GRB10: variants seen among roughly 807,000 people sequenced by gnomAD.
GRB10 encodes growth factor receptor-bound protein 10.
In GRB10, 20 loss-of-function variants were observed where a neutral mutation model predicts 80.9. The ratio of observed to expected loss-of-function variants is 0.25; its 90% CI spans 0.17 to 0.36. The LOEUF is 0.36. Ranked by LOEUF, GRB10 falls within the 10% of genes least tolerant of loss-of-function variation. The probability of loss-of-function intolerance (pLI) is 1.00; values close to 1 mark genes in which losing one functional copy is unlikely to be tolerated. For missense variants in GRB10, 548 were observed against 747.7 expected, an observed-to-expected ratio of 0.73 and a Z score of 3.12; for synonymous variants, 291 against 291.5, an observed-to-expected ratio of 1.00 and a Z score of 0.02.
chr7:50,712,018 G>A (rs924538692), intron 4 of GRB10, among the ~76,000 whole-genome samples: 1 of 151,942 alleles, frequency 6.6e-6, no homozygotes, highest in Non-Finnish European at 1.5e-5. Flanking sequence ...CTTAACAACC[G>A]AGCTATGGGT....
intron 7 of GRB10, among the ~76,000 whole-genome samples, chr7:50,648,954 T>G (rs1350461248): frequency 2.0e-5 from 3 of 152,172 alleles, no homozygotes; most frequent in Non-Finnish European, 4.4e-5. Context: ...AGCTGCCTCT[T>G]CTTCCTGCTC....
chr7:50,690,314 A>G (rs1368883928), intron 5 of GRB10, among the ~76,000 whole-genome samples: 1 of 50,334 alleles, frequency 2.0e-5, no homozygotes, highest in African/African-American at 6.5e-5. Context: ...CAAACAAACA[A>G]ACAAACAAAA....
Position 50,669,807 on chromosome 7 carries a change from T to C in GRB10, c.419A>G (p.Asn140Ser), listed in dbSNP as rs373098408. 3 of 1,613,962 alleles carry C rather than the reference T, an allele frequency of 1.9e-6. No homozygotes were observed. The highest frequency in any genetic ancestry group is 1.7e-5 in the Admixed American group (1 of 60,000). ...FRTSSLPAIP[N>S]PFPELCGPGS... ...AGGGCCACAGAGTTCAGGAAAAGGA[T>C]TGGGGATGGCCGGCAGAGATGAGGT... The change falls in exon 7 of 19, where the codon AAT becomes AGT. Residue 140 changes from asparagine (N) to serine (S), a missense_variant. This residue lies in a region of GRB10 where 245 missense variants were observed against 229.3 expected (regional missense o/e 1.07). Coordinates refer to ENST00000401949, the MANE Select transcript of GRB10 (RefSeq NM_001350814.2).
At chr7:50,702,738 A>C (rs1180698522) in intron 5 of GRB10, among the ~76,000 whole-genome samples, 4 of 152,228 alleles carry the variant, frequency 2.6e-5, no homozygotes, top group African/African-American at 9.6e-5. Context: ...TCTGTGCTGC[A>C]AATGTCCCTT....
intron 7 of GRB10, among the ~76,000 whole-genome samples, chr7:50,643,706 G>GGGA (rs2056690327): frequency 6.6e-6 from 1 of 152,170 alleles, no homozygotes; most frequent in African/African-American, 2.4e-5. Flanking sequence ...TAGGAGTAAA[G>GGGA]GGACTTGATA....
chr7:50,597,428 C>A (rs2046863510), intron 17 of GRB10, among the ~76,000 whole-genome samples: 1 of 144,080 alleles, frequency 6.9e-6, no homozygotes, highest in Non-Finnish European at 1.5e-5. Flanking sequence ...GGCAGCTGTG[C>A]CCACCTCAAA....
intron 5 of GRB10, among the ~76,000 whole-genome samples, chr7:50,703,369 T>C (rs2064515260): frequency 6.6e-6 from 1 of 152,208 alleles, no homozygotes; most frequent in South Asian, 2.1e-4. Context: ...CTAAAGGTAG[T>C]TCCCTTTCAT....
At chr7:50,723,194 T>C (rs2068032791) in intron 4 of GRB10, among the ~76,000 whole-genome samples, 1 of 152,170 alleles carries the variant, frequency 6.6e-6, no homozygotes, top group Non-Finnish European at 1.5e-5. Context: ...AAAGTTGCAG[T>C]GAAGCAATGA....
chr7:50,684,086 G>C lies in GRB10; in HGVS notation c.140-9428C>G, dbSNP rs552928324. On this transcript the variant is annotated intron_variant, in intron 5 of 18. Transcript: ENST00000401949. ...CACATGCAAAGTGCCGCCGCCAGTG[G>C]AGGCTCATTAAATTAAACTTATAAA... is the stretch of plus-strand genomic sequence containing the variant. Among the ~76,000 whole-genome samples, 5 of 152,212 alleles carry C rather than the reference G, an allele frequency of 3.3e-5. No individual in the cohort carries two copies. The East Asian group carries it at 9.7e-4, about 29-fold the overall frequency.
At chr7:50,779,856 T>C (rs1189112645) in intron 2 of GRB10, 3 of 152,180 alleles carry the variant, frequency 2.0e-5, no homozygotes, top group African/African-American at 7.2e-5. Context: ...CCCTCACTAA[T>C]ATGAGATTTG....
chr7:50,633,903 T>G (rs922511294), intron 7 of GRB10, among the ~76,000 whole-genome samples: 1 of 152,146 alleles, frequency 6.6e-6, no homozygotes, highest in Non-Finnish European at 1.5e-5. Flanking sequence ...TAAGATTATT[T>G]AAACCTAGGA....
chr7:50,759,962 G>C (rs2075573996), intron 2 of GRB10, among the ~76,000 whole-genome samples: 1 of 152,178 alleles, frequency 6.6e-6, no homozygotes, highest in African/African-American at 2.4e-5. Context: ...TGTGTAAACA[G>C]GCCCAGACTC....
chr7:50,694,903 T>C (rs2063256719), intron 5 of GRB10, among the ~76,000 whole-genome samples: 1 of 152,180 alleles, frequency 6.6e-6, no homozygotes, highest in Admixed American at 6.5e-5. Context: ...AGGAATGCCA[T>C]GATAGCAGAT....
chr7:50,683,239 G>C (rs1321231199), intron 5 of GRB10, among the ~76,000 whole-genome samples: 1 of 152,228 alleles, frequency 6.6e-6, no homozygotes. Context: ...ATCTGATTCT[G>C]CTCATGGGGT....
Position 50,715,780 on chromosome 7 carries a change from T to C in GRB10, c.52-11872A>G, listed in dbSNP as rs1189872755. On this transcript the variant is annotated intron_variant, in intron 4 of 18. Transcript: ENST00000401949. ...GTGACTTCTGAGCTTCTGGCCAATA[T>C]GGAATATAAAGGATTAGATGTACCC... is the stretch of plus-strand genomic sequence containing the variant. Among the ~76,000 whole-genome samples, 11 of 152,184 alleles carry C rather than the reference T, an allele frequency of 7.2e-5. 1 individual carries two copies. The highest frequency in any genetic ancestry group is 1.5e-5 in the Non-Finnish European group (1 of 68,036).
chr7:50,650,221 G>A (rs1192035365), intron 7 of GRB10, among the ~76,000 whole-genome samples: 1 of 152,234 alleles, frequency 6.6e-6, no homozygotes, highest in East Asian at 1.9e-4. Flanking sequence ...ATGCTGCTGA[G>A]ATGCCACCCC....
upstream of GRB10, among the ~76,000 whole-genome samples, chr7:50,787,710 C>T (rs374044356): frequency 1.3e-5 from 2 of 152,164 alleles, no homozygotes; most frequent in Non-Finnish European, 2.9e-5. Context: ...CCTCCTGCGT[C>T]GCTCCATCAC....
At chr7:50,648,117 G>A (rs748450155) in intron 7 of GRB10, among the ~76,000 whole-genome samples, 1 of 152,100 alleles carries the variant, frequency 6.6e-6, no homozygotes, top group Non-Finnish European at 1.5e-5. Context: ...CTGAGGGAAT[G>A]GCCACGGCTG....
chr7:50,619,668 G>A (rs1051168812), intron 8 of GRB10, among the ~76,000 whole-genome samples: 1 of 152,192 alleles, frequency 6.6e-6, no homozygotes, highest in Non-Finnish European at 1.5e-5. Context: ...CTTGAAAGAG[G>A]TGGAGGAGGG....
Sources: allele counts gnomAD v4.1 joint callset (sites outside exome capture counted in the v4.1 genomes callset), GRCh38; gene constraint gnomAD v4.1.1; regional missense constraint gnomAD v4.1.1; transcripts MANE v1.5; gene names NCBI Gene and HGNC (gene_info 2026-07-23, HGNC 2026-07-21).